The following NOL4 variants were observed in gnomAD, a reference collection of about 807,000 sequenced individuals.
NOL4 encodes the protein nucleolar protein 4.
NOL4 carries 17 observed loss-of-function variants against 75.9 expected under a neutral mutation model. That is an observed-to-expected ratio of 0.22 (90% CI 0.15 to 0.34). The LOEUF is 0.34. Among genes scored for constraint, NOL4 ranks in the 10% least tolerant of loss-of-function variants. The pLI, the probability that NOL4 is intolerant of heterozygous loss-of-function variation, is 1.00. For missense variants in NOL4, 614 were observed against 793.5 expected (o/e 0.77, Z 2.72); for synonymous variants, 292 against 289.9 (o/e 1.01, Z -0.07).
chr18:34,017,575 A>G lies in NOL4; in HGVS notation c.1056+1743T>C, dbSNP rs552172384. ...GATGTATTTGTCCTTCATAGGTGCTAAGTATTTACTATGTTCTTTTTGAAG... is the reference window on the plus strand; with the variant it reads ...GATGTATTTGTCCTTCATAGGTGCTGAGTATTTACTATGTTCTTTTTGAAG... On this transcript the variant is annotated intron_variant, in intron 6 of 10. Transcript: ENST00000261592. Among the ~76,000 whole-genome samples the G allele has an allele frequency of 2.3e-4, 35 of 152,268 alleles. No homozygotes were observed. In the South Asian group the frequency reaches 6.8e-3, roughly 30 times the overall value.
At position 34,222,982 on chromosome 18, in the gene NOL4, T is replaced by A; in HGVS notation, c.264+8A>T. ...CAGACAAATAACAGAGGAAGGCGAGTCACTCACCGTGGTCTTGACAGGCAC... is the reference window on the plus strand; with the variant it reads ...CAGACAAATAACAGAGGAAGGCGAGACACTCACCGTGGTCTTGACAGGCAC... On this transcript the variant is annotated splice_region_variant and intron_variant, in intron 1 of 10. Coordinates refer to ENST00000261592, the MANE Select transcript of NOL4 (RefSeq NM_003787.5). 4 of 1,603,248 alleles carry A rather than the reference T, an allele frequency of 2.5e-6. No individual in the cohort carries two copies. The highest frequency in any genetic ancestry group is 3.4e-6 in the Non-Finnish European group (4 of 1,179,258).
intron 2 of NOL4, among the ~76,000 whole-genome samples, chr18:34,114,936 T>C (rs1302898806): frequency 6.6e-6 from 1 of 152,214 alleles, no homozygotes; most frequent in East Asian, 1.9e-4. Flanking sequence ...TCAGTGTTTG[T>C]TAAACTATCT....
At chr18:33,988,154 T>G (rs2072612308) in intron 6 of NOL4, among the ~76,000 whole-genome samples, 1 of 152,056 alleles carries the variant, frequency 6.6e-6, no homozygotes, top group Non-Finnish European at 1.5e-5. Flanking sequence ...AGGTTGTTTT[T>G]GAAAAAGAAA....
At chr18:33,890,257 G>A (rs1215445195) in intron 9 of NOL4, among the ~76,000 whole-genome samples, 1 of 152,108 alleles carries the variant, frequency 6.6e-6, no homozygotes, top group Admixed American at 6.6e-5. Context: ...CAAATCATGA[G>A]TGAACTCTCA....
intron 1 of NOL4, among the ~76,000 whole-genome samples, chr18:34,178,047 T>C: frequency 6.6e-6 from 1 of 151,986 alleles, no homozygotes; most frequent in African/African-American, 2.4e-5. Context: ...AATTCAATCA[T>C]TATAACCTTG....
At chr18:33,857,154 T>C (rs1168459428) in intron 10 of NOL4, among the ~76,000 whole-genome samples, 1 of 152,014 alleles carries the variant, frequency 6.6e-6, no homozygotes, top group African/African-American at 2.4e-5. Flanking sequence ...GCAGATTAAT[T>C]ACTTCCTATT....
chr18:33,862,397 A>C (rs529814446), intron 10 of NOL4, among the ~76,000 whole-genome samples: 6 of 152,230 alleles, frequency 3.9e-5, no homozygotes, highest in African/African-American at 1.2e-4. Context: ...AAGCAATGGC[A>C]ACAGAAGCCA....
intron 1 of NOL4, among the ~76,000 whole-genome samples, chr18:34,219,505 A>T (rs1170226613): frequency 6.6e-6 from 1 of 152,226 alleles, no homozygotes; most frequent in Non-Finnish European, 1.5e-5. Context: ...GTTTCCACTA[A>T]TTGTTGCCAG....
At chr18:33,862,028 G>C (rs992239843) in intron 10 of NOL4, among the ~76,000 whole-genome samples, 2 of 152,032 alleles carry the variant, frequency 1.3e-5, no homozygotes, top group Admixed American at 1.3e-4. Context: ...TATACTACAA[G>C]GCTACAGTAA....
At chr18:34,071,414 C>T (rs1187689664) in intron 5 of NOL4, among the ~76,000 whole-genome samples, 2 of 137,624 alleles carry the variant, frequency 1.5e-5, no homozygotes, top group East Asian at 2.2e-4. Flanking sequence ...TGAAGATATA[C>T]ACAAATAGAC....
chr18:33,954,721 C>A (rs900379847), intron 8 of NOL4, among the ~76,000 whole-genome samples: 5 of 152,030 alleles, frequency 3.3e-5, no homozygotes, highest in African/African-American at 1.2e-4. Flanking sequence ...GTAAAGTCAC[C>A]AGAGAATACT....
At chr18:34,200,586 G>A (rs1007757047) in intron 1 of NOL4, among the ~76,000 whole-genome samples, 1 of 151,378 alleles carries the variant, frequency 6.6e-6, no homozygotes, top group Non-Finnish European at 1.5e-5. Context: ...TAACTTTTAC[G>A]AATCTTTTAC....
chr18:34,102,513 T>A (rs1461122826), intron 4 of NOL4, among the ~76,000 whole-genome samples: 2 of 152,178 alleles, frequency 1.3e-5, no homozygotes, highest in Middle Eastern at 3.4e-3. Flanking sequence ...AAGCGTGACA[T>A]CCAATTTAGT....
At chr18:34,165,022 A>G (rs1222725239) in intron 1 of NOL4, among the ~76,000 whole-genome samples, 6 of 149,322 alleles carry the variant, frequency 4.0e-5, no homozygotes, top group Non-Finnish European at 1.5e-5. Context: ...ATTCTCACTC[A>G]TAGGTGGGAA....
At chr18:34,188,294 C>A (rs1459418624) in intron 1 of NOL4, among the ~76,000 whole-genome samples, 1 of 152,094 alleles carries the variant, frequency 6.6e-6, no homozygotes, top group Non-Finnish European at 1.5e-5. Flanking sequence ...ATTAGCAGGG[C>A]AAATTCAGTC....
chr18:34,079,083 A>G (rs2077876103), intron 5 of NOL4, among the ~76,000 whole-genome samples: 1 of 152,160 alleles, frequency 6.6e-6, no homozygotes, highest in African/African-American at 2.4e-5. Context: ...TTAGCCAACT[A>G]AAACTCAGTT....
intron 6 of NOL4, among the ~76,000 whole-genome samples, chr18:34,011,614 C>T (rs1319861310): frequency 1.3e-5 from 2 of 151,638 alleles, no homozygotes; most frequent in East Asian, 1.9e-4. Context: ...TGGAAAAAGA[C>T]AAGCACACAC....
chr18:33,887,474 G>C (rs991019926), intron 9 of NOL4, among the ~76,000 whole-genome samples: 1 of 151,248 alleles, frequency 6.6e-6, no homozygotes, highest in African/African-American at 2.4e-5. Context: ...ACAATGTGCA[G>C]GTTTGTTCCA....
intron 1 of NOL4, among the ~76,000 whole-genome samples, chr18:34,135,331 CTTAAA>C (rs1364222877): frequency 6.6e-6 from 1 of 151,954 alleles, no homozygotes; most frequent in Non-Finnish European, 1.5e-5. Flanking sequence ...CCTAGAAAGA[CTTAAA>C]TTATTGATAA....
Sources: gnomAD v4.1 joint callset for allele counts (sites outside exome capture counted in the v4.1 genomes callset) on GRCh38, gnomAD v4.1.1 for gene constraint, MANE v1.5 for transcripts, NCBI Gene and HGNC (gene_info 2026-07-23, HGNC 2026-07-21) for gene names.